The following MARK3 variants were observed in gnomAD, a reference collection of about 807,000 sequenced individuals.
MARK3 encodes the protein microtubule affinity regulating kinase 3.
In MARK3, 46 loss-of-function variants were observed where a neutral mutation model predicts 90.1. The ratio of observed to expected loss-of-function variants is 0.51; its 90% CI spans 0.40 to 0.65. MARK3 has a LOEUF of 0.65. MARK3 is among the 30% of genes least tolerant of loss of function. The pLI, the probability that MARK3 is intolerant of heterozygous loss-of-function variation, is 0.00. For synonymous variants in MARK3, 321 were observed against 332.6 expected, an observed-to-expected ratio of 0.97 and a Z score of 0.38; for missense variants, 818 against 947.2, an observed-to-expected ratio of 0.86 and a Z score of 1.79.
intron 4 of MARK3, among the ~76,000 whole-genome samples, chr14:103,451,488 T>C (rs2093146028): frequency 6.6e-6 from 1 of 152,184 alleles, no homozygotes; most frequent in African/African-American, 2.4e-5. Context: ...TCAAATAGAA[T>C]TACATCCTTA....
rs148393792 is a variant in MARK3, at chr14:103,438,258, T to G, written c.297+9818T>G. Among the ~76,000 whole-genome samples the G allele has an allele frequency of 1.4e-3, 211 of 152,162 alleles. 1 individual carries two copies. Among genetic ancestry groups the G allele is most frequent in the African/African-American group, 4.9e-3 (204 of 41,556 alleles). On this transcript the variant is annotated intron_variant, in intron 3 of 17. Transcript: ENST00000429436. ...CCTCAGGTGATCCACCTGCCTCAGC[T>G]TCCCAAAGTGCTGGGATTACAGGCG...
chr14:103,412,642 G>GC (rs60972894), intron 2 of MARK3: 2 of 958,484 alleles, frequency 2.1e-6, no homozygotes, highest in Admixed American at 2.4e-5. Context: ...GGGGGTCATA[G>GC]TTCTTCAAGC....
chr14:103,457,210 C>G lies in MARK3; in HGVS notation c.481C>G (p.Gln161Glu). 6.2e-7 allele frequency: 1 copy of G among 1,600,584 alleles called. No homozygotes were observed. ...KEKEARSKFRQIVSAVQYCHQ... is the reference protein window; with the variant it reads ...KEKEARSKFREIVSAVQYCHQ... ...AAAAGAAGCAAGATCTAAATTTAGA[C>G]AGGTATGAATTAATGTGTCTTTACT... The change falls in exon 6 of 18, where the codon CAG (glutamine) becomes GAG (glutamate). Residue 161 changes from glutamine (Q) to glutamate (E), a missense_variant and splice_region_variant. By Grantham distance (29) the Gln-to-Glu change is conservative (BLOSUM62 2). Coordinates refer to ENST00000429436, the MANE Select transcript of MARK3 (RefSeq NM_001128918.3).
intron 2 of MARK3, among the ~76,000 whole-genome samples, chr14:103,424,246 A>G (rs1348766944): frequency 1.3e-5 from 2 of 151,890 alleles, no homozygotes; most frequent in South Asian, 4.2e-4. Flanking sequence ...AATCTTTGGA[A>G]TAGTGACCGG....
chr14:103,445,943 T>C (rs1211583272), intron 3 of MARK3, among the ~76,000 whole-genome samples: 1 of 152,246 alleles, frequency 6.6e-6, no homozygotes, highest in Non-Finnish European at 1.5e-5. Context: ...CCGCAGTTGT[T>C]GGTAGTTAGT....
At chr14:103,434,163 G>A (rs1469647924) in intron 3 of MARK3, among the ~76,000 whole-genome samples, 6 of 152,152 alleles carry the variant, frequency 3.9e-5, no homozygotes, top group Admixed American at 3.3e-4. Context: ...ACTATCATGA[G>A]GATCACACCA....
chr14:103,419,537 A>G (rs950058923), intron 2 of MARK3, among the ~76,000 whole-genome samples: 3 of 152,292 alleles, frequency 2.0e-5, no homozygotes, highest in African/African-American at 7.2e-5. Flanking sequence ...CCCCTTTAAT[A>G]TCTGGCTTAA....
At chr14:103,407,122 G>C (rs1419221626) in intron 2 of MARK3, among the ~76,000 whole-genome samples, 1 of 152,292 alleles carries the variant, frequency 6.6e-6, no homozygotes, top group South Asian at 2.1e-4. Context: ...GAGCCACCAC[G>C]CCTGGCCCAT....
At chr14:103,413,350 A>C (rs1362044016) in intron 2 of MARK3, among the ~76,000 whole-genome samples, 3 of 151,428 alleles carry the variant, frequency 2.0e-5, no homozygotes. Context: ...ATAATCATAT[A>C]ACTTCTTGCA....
intron 14 of MARK3, among the ~76,000 whole-genome samples, chr14:103,483,491 G>C (rs1321758158): frequency 6.6e-6 from 1 of 151,988 alleles, no homozygotes; most frequent in African/African-American, 2.4e-5. Flanking sequence ...TAAATGCAAG[G>C]CTTTTTCTCG....
rs779983352 is a variant in MARK3, at chr14:103,480,486, A to G, written c.1582A>G (p.Asn528Asp). 1 of 1,599,682 alleles carries G rather than the reference A, an allele frequency of 6.3e-7. No individual in the cohort carries two copies. Among genetic ancestry groups the G allele is most frequent in the South Asian group, 1.1e-5 (1 of 89,864 alleles). ...CTCAGTGATTCAGAATGGCAAAGAA[A>G]ACAGGTAGGAGATTCTACCTGTTTG... ...RHSVIQNGKE[N>D]STIPDQRTPV... The change falls in exon 14 of 18, where the codon AAC becomes GAC. Residue 528 changes from asparagine to aspartate, a missense_variant. This residue lies in a region of MARK3 where 560 missense variants were observed against 613.5 expected (regional missense o/e 0.91). Transcript: ENST00000429436.
chr14:103,412,088 C>G (rs2091675293), intron 2 of MARK3: 1 of 591,594 alleles, frequency 1.7e-6, no homozygotes, highest in East Asian at 3.4e-5. Context: ...GTTTTTTTTA[C>G]TAGTAGCAGT....
intron 3 of MARK3, among the ~76,000 whole-genome samples, chr14:103,439,311 G>T (rs1260302717): frequency 6.6e-6 from 1 of 151,976 alleles, no homozygotes; most frequent in Non-Finnish European, 1.5e-5. Context: ...AGGATTTTGT[G>T]TTATTATTTT....
chr14:103,465,451 G>A, intron 7 of MARK3, 106 bp from the exon 8 acceptor site: 1 of 709,696 alleles, frequency 1.4e-6, no homozygotes, highest in Non-Finnish European at 2.5e-6. Context: ...TAATTAGGAG[G>A]TAACTTCATA....
chr14:103,441,316 G>A (rs1036574991), intron 3 of MARK3, among the ~76,000 whole-genome samples: 4 of 151,652 alleles, frequency 2.6e-5, no homozygotes, highest in Non-Finnish European at 4.4e-5. Context: ...ACGGAGTTTC[G>A]CTCTGTCACC....
At chr14:103,421,331 A>G (rs2092213117) in intron 2 of MARK3, among the ~76,000 whole-genome samples, 1 of 152,230 alleles carries the variant, frequency 6.6e-6, no homozygotes, top group Non-Finnish European at 1.5e-5. Flanking sequence ...GTATTCACTA[A>G]TTCAGTGAGC....
At chr14:103,414,556 C>T (rs527800050) in intron 2 of MARK3, among the ~76,000 whole-genome samples, 4 of 152,220 alleles carry the variant, frequency 2.6e-5, no homozygotes, top group African/African-American at 9.6e-5. Flanking sequence ...GTTCTCTTGC[C>T]CTGTGATGGG....
At chr14:103,391,604 T>G (rs946816183) in intron 1 of MARK3, among the ~76,000 whole-genome samples, 2 of 151,060 alleles carry the variant, frequency 1.3e-5, no homozygotes, top group Non-Finnish European at 2.9e-5. Flanking sequence ...AGTGCAGTGG[T>G]GCAATCTCGG....
intron 2 of MARK3, among the ~76,000 whole-genome samples, chr14:103,410,069 G>C (rs749749740): frequency 6.6e-6 from 1 of 152,114 alleles, no homozygotes; most frequent in African/African-American, 2.4e-5. Flanking sequence ...GTTCATTTTC[G>C]TACATGCTTC....
Sources: allele counts gnomAD v4.1 joint callset (sites outside exome capture counted in the v4.1 genomes callset), GRCh38; gene constraint gnomAD v4.1.1; regional missense constraint gnomAD v4.1.1; transcripts MANE v1.5; gene names NCBI Gene and HGNC (gene_info 2026-07-23, HGNC 2026-07-21).